ZFP1: variants seen among roughly 807,000 people sequenced by gnomAD.
ZFP1 encodes ZFP1 zinc finger protein, also known as zinc finger protein 1 homolog.
In ZFP1, 32 loss-of-function variants were observed where a neutral mutation model predicts 38.5. That is an observed-to-expected ratio of 0.83 (90% CI 0.63 to 1.12). ZFP1 has a LOEUF of 1.12. Ranked by LOEUF, ZFP1 falls within the 50% of genes most tolerant of loss-of-function variation. The pLI is 0.00. For missense variants in ZFP1, 616 were observed against 480.8 expected, an observed-to-expected ratio of 1.28 and a Z score of -2.63; for synonymous variants, 245 against 168.8, an observed-to-expected ratio of 1.45 and a Z score of -3.50.
At chr16:75,128,121 AG>A in the ZFP1 span, among the ~76,000 whole-genome samples, 8 of 152,362 alleles carry the variant, frequency 5.3e-5, no homozygotes, top group African/African-American at 1.9e-4. Context: ...AGCCAATAAA[AG>A]CCCCTTGAAA....
the ZFP1 span, among the ~76,000 whole-genome samples, chr16:75,123,418 T>A: frequency 7.3e-6 from 1 of 136,234 alleles, no homozygotes; most frequent in African/African-American, 2.7e-5. Context: ...CCTACAAATA[T>A]ATATATAAGA....
the ZFP1 span, among the ~76,000 whole-genome samples, chr16:75,131,747 T>C: frequency 1.3e-5 from 2 of 152,154 alleles, no homozygotes; most frequent in African/African-American, 4.8e-5. Context: ...GTGGGTCACC[T>C]GAGGTCAGGA....
chr16:75,133,645 A>G, the ZFP1 span, among the ~76,000 whole-genome samples: 3,850 of 152,276 alleles, frequency 0.025, 185 homozygotes, highest in African/African-American at 0.089. Flanking sequence ...TTGAGTGGCT[A>G]TTATATTGGA....
At chr16:75,132,934 C>T in the ZFP1 span, among the ~76,000 whole-genome samples, 1 of 150,416 alleles carries the variant, frequency 6.6e-6, no homozygotes, top group Non-Finnish European at 1.5e-5. Context: ...TGCTTGATTA[C>T]AGGCATGAGC....
At chr16:75,152,312 G>C (rs574652181) in intron 1 of ZFP1, among the ~76,000 whole-genome samples, 1 of 152,080 alleles carries the variant, frequency 6.6e-6, no homozygotes, top group Non-Finnish European at 1.5e-5. Flanking sequence ...TCTCCTTTTG[G>C]AATTTCAGTT....
chr16:75,129,862 G>C, the ZFP1 span, among the ~76,000 whole-genome samples: 1 of 152,198 alleles, frequency 6.6e-6, no homozygotes, highest in Non-Finnish European at 1.5e-5. Flanking sequence ...ACCAAGGCAA[G>C]TTTTAGAGCA....
intron 2 of ZFP1, among the ~76,000 whole-genome samples, chr16:75,159,268 C>T (rs182811030): frequency 1.1e-3 from 160 of 139,160 alleles, no homozygotes; most frequent in African/African-American, 4.1e-3. Flanking sequence ...CTTTCCCTTC[C>T]TTCCCTCACT....
chr16:75,157,124 C>G (rs138089985), intron 2 of ZFP1: 2 of 151,706 alleles, frequency 1.3e-5, no homozygotes, highest in East Asian at 1.9e-4. Flanking sequence ...TCATGTTGAT[C>G]TTTTGTTTGC....
chr16:75,141,234 G>A, the ZFP1 span, among the ~76,000 whole-genome samples: 2 of 110,712 alleles, frequency 1.8e-5, no homozygotes, highest in Non-Finnish European at 3.3e-5. Context: ...ACGGAGTCTC[G>A]CTCTGTCGCC....
chr16:75,135,262 C>G, the ZFP1 span, among the ~76,000 whole-genome samples: 1 of 15,494 alleles, frequency 6.5e-5, no homozygotes, highest in East Asian at 1.7e-3. Flanking sequence ...AGATCCTTCA[C>G]TCATTCATAC....
At chr16:75,133,261 C>T in the ZFP1 span, among the ~76,000 whole-genome samples, 6,139 of 152,208 alleles carry the variant, frequency 0.04, 438 homozygotes, top group African/African-American at 0.14. Flanking sequence ...ACAGTGTGAG[C>T]CACCGTGCCT....
At chr16:75,158,817 G>C (rs1258607179) in intron 2 of ZFP1, among the ~76,000 whole-genome samples, 2 of 151,298 alleles carry the variant, frequency 1.3e-5, no homozygotes, top group East Asian at 3.9e-4. Context: ...CAGTTCGTCT[G>C]AAGTGTTTAT....
intron 1 of ZFP1, among the ~76,000 whole-genome samples, chr16:75,152,276 TC>T (rs2037243798): frequency 6.6e-6 from 1 of 152,206 alleles, no homozygotes; most frequent in African/African-American, 2.4e-5. Flanking sequence ...AAAATTCTTG[TC>T]CATTATGTCT....
chr16:75,123,541 C>G, the ZFP1 span, among the ~76,000 whole-genome samples: 1 of 144,954 alleles, frequency 6.9e-6, no homozygotes, highest in South Asian at 2.2e-4. Flanking sequence ...GAGTCTTCCT[C>G]TGTCACCCAG....
chr16:75,120,654 T>A, the ZFP1 span, among the ~76,000 whole-genome samples: 19 of 152,196 alleles, frequency 1.2e-4, 2 homozygotes, highest in South Asian at 1.0e-3. Flanking sequence ...CAGGCTGGAG[T>A]GCAGTGGCGC....
chr16:75,125,874 C>G, the ZFP1 span, among the ~76,000 whole-genome samples: 1 of 151,802 alleles, frequency 6.6e-6, no homozygotes, highest in Non-Finnish European at 1.5e-5. Context: ...GAAACCCCAT[C>G]TCTACCAAAA....
chr16:75,139,864 T>A, the ZFP1 span, among the ~76,000 whole-genome samples: 4 of 152,288 alleles, frequency 2.6e-5, no homozygotes, highest in African/African-American at 9.6e-5. Flanking sequence ...CAGCGATGGA[T>A]AGTGGGGATA....
At chr16:75,154,995 C>T (rs1257170367) in intron 2 of ZFP1, among the ~76,000 whole-genome samples, 1 of 152,056 alleles carries the variant, frequency 6.6e-6, no homozygotes. Context: ...GATGGGGTTT[C>T]ACCATGTTGG....
intron 2 of ZFP1, among the ~76,000 whole-genome samples, chr16:75,154,053 G>GT (rs2037346007): frequency 6.6e-6 from 1 of 151,870 alleles, no homozygotes; most frequent in African/African-American, 2.4e-5. Context: ...CCCGTCTCTA[G>GT]TAAAAAAAAA....
Sources: allele counts gnomAD v4.1 joint callset (sites outside exome capture counted in the v4.1 genomes callset), GRCh38; gene constraint gnomAD v4.1.1; transcripts MANE v1.5; gene names NCBI Gene and HGNC (gene_info 2026-07-23, HGNC 2026-07-21).